The following RAB38 variants were observed in gnomAD, a reference collection of about 807,000 sequenced individuals.
The protein encoded by RAB38 is RAB38, member RAS oncogene family, also known as ras-related protein Rab-38.
In RAB38, 15 loss-of-function variants were observed where a neutral mutation model predicts 18.4. That is an observed-to-expected ratio of 0.82 (90% CI 0.55 to 1.26). RAB38 has a LOEUF of 1.26. RAB38 is among the 50% of genes most tolerant of loss of function. The probability of loss-of-function intolerance (pLI) is 0.00; values close to 1 mark genes in which losing one functional copy is unlikely to be tolerated. For missense variants in RAB38, 294 were observed against 267.4 expected, an observed-to-expected ratio of 1.10 and a Z score of -0.69; for synonymous variants, 101 against 104.4, an observed-to-expected ratio of 0.97 and a Z score of 0.20.
chr11:87,945,300 AC>A, the RAB38 span, among the ~76,000 whole-genome samples: 1 of 152,172 alleles, frequency 6.6e-6, no homozygotes, highest in African/African-American at 2.4e-5. Flanking sequence ...CTAAAGAAGT[AC>A]ATTTACAAAT....
At chr11:87,973,246 G>T in the RAB38 span, among the ~76,000 whole-genome samples, 2 of 152,098 alleles carry the variant, frequency 1.3e-5, no homozygotes, top group East Asian at 3.9e-4. Context: ...AGAAGTAAGA[G>T]AACATATTTT....
chr11:88,081,343 G>T, the RAB38 span, among the ~76,000 whole-genome samples: 1 of 151,908 alleles, frequency 6.6e-6, no homozygotes, highest in Non-Finnish European at 1.5e-5. Context: ...GTATATTAAT[G>T]TTTATAGAAG....
chr11:88,033,239 AG>A, the RAB38 span, among the ~76,000 whole-genome samples: 8 of 147,354 alleles, frequency 5.4e-5, no homozygotes, highest in South Asian at 1.8e-3. Flanking sequence ...GCGTGGGAGG[AG>A]GGGGGAGGGA....
the RAB38 span, among the ~76,000 whole-genome samples, chr11:87,972,587 G>A: frequency 6.6e-6 from 1 of 151,882 alleles, no homozygotes; most frequent in Admixed American, 6.6e-5. Flanking sequence ...CACACCTACT[G>A]ACCTCTGGAA....
At chr11:87,813,536 T>C in the RAB38 span, among the ~76,000 whole-genome samples, 34 of 143,234 alleles carry the variant, frequency 2.4e-4, no homozygotes, top group African/African-American at 8.8e-4. Flanking sequence ...CACACACACA[T>C]CTCTGTCAGA....
At chr11:88,111,686 C>T (rs188807345), downstream of RAB38, among the ~76,000 whole-genome samples, 148 of 152,290 alleles carry the variant, frequency 9.7e-4, 1 homozygote, top group African/African-American at 3.0e-3. Context: ...ATGAAGGAAG[C>T]CAGTCCCATA....
the RAB38 span, among the ~76,000 whole-genome samples, chr11:87,837,417 A>T: frequency 4.6e-5 from 7 of 152,284 alleles, no homozygotes; most frequent in African/African-American, 1.7e-4. Context: ...ATCAAGTTTG[A>T]TCTGTAATCT....
intron 1 of RAB38, among the ~76,000 whole-genome samples, chr11:88,159,468 G>A (rs1943163561): frequency 6.6e-6 from 1 of 151,338 alleles, no homozygotes; most frequent in African/African-American, 2.4e-5. Flanking sequence ...ATTTTTCACA[G>A]AACTAGAAAA....
At chr11:87,881,542 T>C in the RAB38 span, among the ~76,000 whole-genome samples, 290 of 152,038 alleles carry the variant, frequency 1.9e-3, 2 homozygotes, top group African/African-American at 6.8e-3. Flanking sequence ...CATTTGTTAT[T>C]CTCAGTGTTT....
chr11:87,928,577 G>T, the RAB38 span, among the ~76,000 whole-genome samples: 22 of 151,488 alleles, frequency 1.5e-4, no homozygotes, highest in Non-Finnish European at 4.4e-5. Flanking sequence ...GTAGATCAAA[G>T]GGTAAAAATA....
chr11:87,818,481 C>G, the RAB38 span, among the ~76,000 whole-genome samples: 1 of 151,700 alleles, frequency 6.6e-6, no homozygotes, highest in African/African-American at 2.4e-5. Context: ...AAGTAAGTAC[C>G]CTGAAGTTAC....
chr11:88,040,413 C>A, the RAB38 span, among the ~76,000 whole-genome samples: 1 of 152,080 alleles, frequency 6.6e-6, no homozygotes, highest in Non-Finnish European at 1.5e-5. Context: ...TTAATTACCC[C>A]CTTTAAACAG....
At chr11:88,162,883 A>G (rs1480131985) in intron 1 of RAB38, among the ~76,000 whole-genome samples, 1 of 151,980 alleles carries the variant, frequency 6.6e-6, no homozygotes, top group Non-Finnish European at 1.5e-5. Flanking sequence ...ATTTACTCCC[A>G]TACCATGGCA....
chr11:87,828,257 T>G, the RAB38 span, among the ~76,000 whole-genome samples: 1 of 152,222 alleles, frequency 6.6e-6, no homozygotes, highest in African/African-American at 2.4e-5. Context: ...TATTGCGTTA[T>G]GTTTAAAATT....
the RAB38 span, among the ~76,000 whole-genome samples, chr11:87,813,917 G>A: frequency 1.3e-5 from 2 of 152,274 alleles, no homozygotes; most frequent in South Asian, 4.1e-4. Context: ...GTTGAACAAA[G>A]TGTTTTGAGC....
At chr11:87,955,873 G>GCACACACACGCACACA in the RAB38 span, among the ~76,000 whole-genome samples, 3 of 148,616 alleles carry the variant, frequency 2.0e-5, no homozygotes, top group African/African-American at 7.4e-5. Flanking sequence ...CAAACAGTAT[G>GCACACACACGCACACA]CACACACACA....
chr11:88,123,474 C>T (rs904599645), intron 2 of RAB38, among the ~76,000 whole-genome samples: 1 of 152,182 alleles, frequency 6.6e-6, no homozygotes, highest in South Asian at 2.1e-4. Flanking sequence ...ATTTACTTTA[C>T]AGGTCCAACT....
At chr11:87,850,143 TTTAG>T in the RAB38 span, among the ~76,000 whole-genome samples, 1 of 152,116 alleles carries the variant, frequency 6.6e-6, no homozygotes, top group Admixed American at 6.6e-5. Context: ...AACCTATCAG[TTTAG>T]TTGTTTTGTC....
At chr11:88,159,236 A>AATAT (rs1179405659) in intron 1 of RAB38, among the ~76,000 whole-genome samples, 2 of 141,352 alleles carry the variant, frequency 1.4e-5, no homozygotes, top group Admixed American at 7.1e-5. Flanking sequence ...TAAATAAATA[A>AATAT]AAATAAAATA....
Sources: gnomAD v4.1 joint callset for allele counts (sites outside exome capture counted in the v4.1 genomes callset) on GRCh38, gnomAD v4.1.1 for gene constraint, MANE v1.5 for transcripts, NCBI Gene and HGNC (gene_info 2026-07-23, HGNC 2026-07-21) for gene names.